The following ABHD2 variants were observed in gnomAD, a reference collection of about 807,000 sequenced individuals.
The protein encoded by ABHD2 is monoacylglycerol lipase ABHD2.
In ABHD2, 20 loss-of-function variants were observed where a neutral mutation model predicts 48.1. The observed-to-expected ratio is 0.42, with a 90% CI of 0.29 to 0.60. ABHD2 has a LOEUF of 0.60. ABHD2 is among the 20% of genes least tolerant of loss of function. The probability of loss-of-function intolerance (pLI) is 0.24; values close to 1 mark genes in which losing one functional copy is unlikely to be tolerated. For synonymous variants in ABHD2, 209 were observed against 214.2 expected, an observed-to-expected ratio of 0.98 and a Z score of 0.21; for missense variants, 405 against 550.9, an observed-to-expected ratio of 0.74 and a Z score of 2.65.
At chr15:89,069,101 TTTTTTC>T in the ABHD2 span, among the ~76,000 whole-genome samples, 1 of 104,150 alleles carries the variant, frequency 9.6e-6, no homozygotes, top group African/African-American at 4.7e-5. Flanking sequence ...GGCAAGCTCT[TTTTTTC>T]TTTTCTTTTC....
Position 89,201,779 on chromosome 15 carries a change from CG to C in ABHD2, c.*6357del. 1.3e-6 allele frequency: 2 copies of C among 1,491,886 alleles called. No homozygotes were observed. Among genetic ancestry groups the C allele is most frequent in the Non-Finnish European group, 1.9e-6 (2 of 1,071,426 alleles). 92.4% of individuals were successfully genotyped at this position (1,491,886 alleles called of 1,614,324 possible). Reference sequence around the variant, plus strand: ...GGACCAGGATCTGCTCGTGCTTCGCCGTGGCCCCGGAGGCAGACGCCATTGG... The same window carrying C: ...GGACCAGGATCTGCTCGTGCTTCGCCTGGCCCCGGAGGCAGACGCCATTGG... On this transcript the variant is annotated 3_prime_UTR_variant, in exon 11 of 11. Coordinates refer to ENST00000352732, the MANE Select transcript of ABHD2 (RefSeq NM_152924.5).
chr15:89,136,103 T>A, intron 3 of ABHD2: 1 of 198,190 alleles, frequency 5.0e-6, no homozygotes, highest in Middle Eastern at 2.3e-3. Context: ...TTTTTTTTTT[T>A]TTTTCAGTAG....
Position 89,137,568 on chromosome 15 carries a change from T to C in ABHD2, c.195-14109T>C, listed in dbSNP as rs1175882955. On this transcript the variant is annotated intron_variant, in intron 3 of 10. Transcript: ENST00000352732. This position sits in a 1 kb window ranked among gnomAD's most constrained non-coding sequence, Gnocchi z 4.8. Reference sequence around the variant, plus strand: ...TTCGGGAACGGAAGAGGATTGCTCTTTTGTTTCCTCAGGCCACTTTTGGTC... The same window carrying C: ...TTCGGGAACGGAAGAGGATTGCTCTCTTGTTTCCTCAGGCCACTTTTGGTC... Among the ~76,000 whole-genome samples, 1 of 152,152 alleles carries C rather than the reference T, an allele frequency of 6.6e-6. No individual in the cohort carries two copies. Among genetic ancestry groups the C allele is most frequent in the Non-Finnish European group, 1.5e-5 (1 of 68,038 alleles).
In ABHD2 at chr15:89,151,981, G is replaced by T. The variant is rs554562926; in HGVS notation, c.370+129G>T. The T allele has an allele frequency of 1.6e-4, 198 of 1,226,092 alleles. 1 individual carries two copies. The African/African-American group carries it at 2.8e-3, about 18-fold the overall frequency. 76.0% of individuals were successfully genotyped at this position (1,226,092 alleles called of 1,614,324 possible). ...GGCATCAGGGGCTGTTGGGAAGCCT[G>T]CTGGGATTCGTCACTTAGGAGCAGC... On this transcript the variant is annotated intron_variant, in intron 4 of 10. Transcript: ENST00000352732. This position sits in a 1 kb window ranked among gnomAD's most constrained non-coding sequence, Gnocchi z 4.7.
rs139766630 is a variant in ABHD2 at position 89,176,927 on chromosome 15, T to A, written c.722+932T>A. On this transcript the variant is annotated intron_variant, in intron 6 of 10. Transcript: ENST00000352732. This position sits in a 1 kb window ranked among gnomAD's most constrained non-coding sequence, Gnocchi z 4.5. Reference sequence around the variant, plus strand: ...CACCTGTATATCTCATGCTGCAGTTTAAACATACCTTGTTACTTTCTGATG... The same window carrying A: ...CACCTGTATATCTCATGCTGCAGTTAAAACATACCTTGTTACTTTCTGATG... Among the ~76,000 whole-genome samples, 1 of 152,338 alleles carries A rather than the reference T, an allele frequency of 6.6e-6. No homozygotes were observed. The highest frequency in any genetic ancestry group is 1.9e-4 in the East Asian group (1 of 5,188).
intron 3 of ABHD2, among the ~76,000 whole-genome samples, chr15:89,141,942 C>T (rs546849780): frequency 2.0e-5 from 3 of 152,194 alleles, no homozygotes; most frequent in Non-Finnish European, 2.9e-5. Flanking sequence ...TGGCTGTTGA[C>T]GACTCCAGAT....
chr15:89,116,267 G>A lies in ABHD2; in HGVS notation c.-6-55G>A. ...CCACCATGCGTCTGTAGGGTGGTGG[G>A]CACCACCCGTCCTCACTGTGCTTGT... On this transcript the variant is annotated intron_variant, in intron 2 of 10. Transcript: ENST00000352732. The surrounding 1 kb of genome is among the most constrained non-coding windows in gnomAD (Gnocchi z 4.6). The A allele has an allele frequency of 6.6e-7, 1 of 1,507,006 alleles. No individual in the cohort carries two copies. The highest frequency in any genetic ancestry group is 1.8e-5 in the Admixed American group (1 of 54,526). 93.4% of individuals were successfully genotyped at this position (1,507,006 alleles called of 1,614,324 possible).
chr15:89,082,131 C>A, the ABHD2 span, among the ~76,000 whole-genome samples: 1 of 152,248 alleles, frequency 6.6e-6, no homozygotes, highest in Non-Finnish European at 1.5e-5. The surrounding 1 kb of genome is among the most constrained non-coding windows in gnomAD (Gnocchi z 4.4). Context: ...CAAGTGTCCC[C>A]TGAGGGATGA....
intron 6 of ABHD2, among the ~76,000 whole-genome samples, chr15:89,178,994 G>A (rs905030409): frequency 6.6e-6 from 1 of 152,238 alleles, no homozygotes; most frequent in South Asian, 2.1e-4. Flanking sequence ...CAGTTTGGGT[G>A]TAAAAGATAG....
chr15:89,136,086 C>T (rs1176298600), intron 3 of ABHD2: 1 of 198,052 alleles, frequency 5.0e-6, no homozygotes, highest in Non-Finnish European at 1.0e-5. Context: ...GCCACCATGC[C>T]TGGCAATTTT....
At chr15:89,152,608 A>G (rs968566191) in intron 4 of ABHD2, among the ~76,000 whole-genome samples, 6 of 152,170 alleles carry the variant, frequency 3.9e-5, no homozygotes, top group Non-Finnish European at 7.3e-5. Flanking sequence ...TGAAGCTCGG[A>G]GATGCAGTAT....
Position 89,200,689 on chromosome 15 carries a change from T to C in ABHD2, c.*5266T>C, listed in dbSNP as rs1448481609. ...AAAAAATGGTCACCGCAGGCCATAC[T>C]ACCAATGAAATGGTAGGTAAACAAA... On this transcript the variant is annotated 3_prime_UTR_variant, in exon 11 of 11. Coordinates refer to ENST00000352732, the MANE Select transcript of ABHD2 (RefSeq NM_152924.5). 2 of 226,046 alleles carry C rather than the reference T, an allele frequency of 8.8e-6. No homozygotes were observed. Among genetic ancestry groups the C allele is most frequent in the Non-Finnish European group, 1.8e-5 (2 of 109,196 alleles). 14.0% of individuals were successfully genotyped at this position (226,046 alleles called of 1,614,324 possible). A position where few individuals can be genotyped will look rare whatever the true frequency, so the allele number is the denominator to read the frequency against.
Position 89,104,663 on chromosome 15 carries a change from C to A in ABHD2, c.-106-9062C>A, listed in dbSNP as rs2049754402. Among the ~76,000 whole-genome samples the A allele has an allele frequency of 6.6e-6, 1 of 152,194 alleles. No individual in the cohort carries two copies. The highest frequency in any genetic ancestry group is 1.5e-5 in the Non-Finnish European group (1 of 68,026). ...CTGTTGCAGGTCTGGGTGAAACTTT[C>A]TTCTTTGCCTGCCTTAGGGAGTTAG... On this transcript the variant is annotated intron_variant, in intron 1 of 10. Transcript: ENST00000352732. This position sits in a 1 kb window ranked among gnomAD's most constrained non-coding sequence, Gnocchi z 4.4.
the ABHD2 span, among the ~76,000 whole-genome samples, chr15:89,076,556 C>T: frequency 6.6e-6 from 1 of 152,036 alleles, no homozygotes; most frequent in Non-Finnish European, 1.5e-5. Flanking sequence ...CGATCATGAC[C>T]CATTGCAGCC....
At chr15:89,064,834 G>C in the ABHD2 span, among the ~76,000 whole-genome samples, 1 of 151,968 alleles carries the variant, frequency 6.6e-6, no homozygotes, top group Non-Finnish European at 1.5e-5. Context: ...TATATGTTAA[G>C]CTTCAAGAAT....
intron 4 of ABHD2, among the ~76,000 whole-genome samples, chr15:89,154,684 C>A (rs2050643129): frequency 6.6e-6 from 1 of 152,216 alleles, no homozygotes; most frequent in Non-Finnish European, 1.5e-5. Context: ...TATGGAAGAG[C>A]TTGCCACATG....
intron 5 of ABHD2, among the ~76,000 whole-genome samples, chr15:89,169,124 C>G (rs1567101415): frequency 6.6e-6 from 1 of 152,032 alleles, no homozygotes; most frequent in Non-Finnish European, 1.5e-5. Context: ...TAAAAGGAAT[C>G]AAATGGTTGG....
At chr15:89,156,817 C>T (rs1437388744) in intron 5 of ABHD2, among the ~76,000 whole-genome samples, 1 of 151,970 alleles carries the variant, frequency 6.6e-6, no homozygotes, top group Non-Finnish European at 1.5e-5. Flanking sequence ...TATATGTATA[C>T]ATAAACAATA....
intron 3 of ABHD2, among the ~76,000 whole-genome samples, chr15:89,143,504 C>A (rs979132099): frequency 2.4e-4 from 36 of 152,072 alleles, no homozygotes; most frequent in African/African-American, 8.7e-4. Flanking sequence ...CCCGTCTGTA[C>A]TAAAAATACA....
Sources: allele counts gnomAD v4.1 joint callset (sites outside exome capture counted in the v4.1 genomes callset), GRCh38; gene constraint gnomAD v4.1.1; non-coding constraint Gnocchi (gnomAD v3.1); transcripts MANE v1.5; gene names NCBI Gene and HGNC (gene_info 2026-07-23, HGNC 2026-07-21).